Variants in FAAH2 observed in about 807,000 individuals in gnomAD.
FAAH2 encodes the protein fatty-acid amide hydrolase 2.
FAAH2 carries 60 observed loss-of-function variants against 36.9 expected under a neutral mutation model. The ratio of observed to expected loss-of-function variants is 1.63; its 90% confidence interval spans 1.32 to 2.02. The LOEUF (loss-of-function observed/expected upper bound fraction) is 2.02. FAAH2 is among the 30% of genes most tolerant of loss of function. FAAH2 has a pLI of 0.00. For missense variants in FAAH2, 689 were observed against 397.5 expected (o/e 1.73, Z -6.23); for synonymous variants, 214 against 143.8 (o/e 1.49, Z -3.49).
chrX:57,381,484 G>A (rs1262820169), intron 7 of FAAH2: 1 of 603,236 alleles, frequency 1.7e-6, no homozygotes, highest in African/African-American at 2.5e-5. Flanking sequence ...GAATAATAAG[G>A]GGAACAGACC....
At chrX:57,238,334 A>G in the FAAH2 span, among the ~76,000 whole-genome samples, 3 of 111,997 alleles carry the variant, frequency 2.7e-5, no homozygotes, top group Non-Finnish European at 3.8e-5. Flanking sequence ...GAATGAGATC[A>G]TGTCCTTTGT....
intron 7 of FAAH2, among the ~76,000 whole-genome samples, chrX:57,398,795 C>G (rs776592335): frequency 4.5e-5 from 5 of 111,374 alleles, no homozygotes; most frequent in Non-Finnish European, 9.4e-5. Flanking sequence ...AAGTTGCAAG[C>G]CCTGTGTTTA....
intron 7 of FAAH2, among the ~76,000 whole-genome samples, chrX:57,429,362 C>T (rs2056239786): frequency 9.4e-6 from 1 of 106,944 alleles, no homozygotes; most frequent in Admixed American, 1.0e-4. Flanking sequence ...AAAAATTCTG[C>T]TAAAATGTAG....
chrX:57,338,565 C>T (rs2053611030), intron 4 of FAAH2, among the ~76,000 whole-genome samples: 1 of 111,535 alleles, frequency 9.0e-6, no homozygotes, highest in South Asian at 3.7e-4. Context: ...AGGCCTGACA[C>T]TCAGGATACA....
chrX:57,449,493 T>C (rs1381493997), intron 10 of FAAH2, among the ~76,000 whole-genome samples: 1 of 111,998 alleles, frequency 8.9e-6, no homozygotes, highest in Non-Finnish European at 1.9e-5. Context: ...CCTTGCAGTG[T>C]TGCAGTTAAG....
At chrX:57,473,020 T>G (rs2057198274) in intron 10 of FAAH2, among the ~76,000 whole-genome samples, 1 of 111,162 alleles carries the variant, frequency 9.0e-6, no homozygotes. Context: ...CTTTTTGTGG[T>G]CTCAATCCTA....
chrX:57,343,248 C>G (rs1487686725), intron 5 of FAAH2, among the ~76,000 whole-genome samples: 1 of 111,950 alleles, frequency 8.9e-6, no homozygotes, highest in East Asian at 2.8e-4. Flanking sequence ...AGTATATAAG[C>G]ATTCTCTTTT....
chrX:57,439,950 C>A (rs1324046824), intron 8 of FAAH2, among the ~76,000 whole-genome samples: 4 of 111,458 alleles, frequency 3.6e-5, no homozygotes, highest in Non-Finnish European at 7.5e-5. Flanking sequence ...TGTTCTCTTC[C>A]ATTGATCTAT....
chrX:57,160,076 T>C, the FAAH2 span, among the ~76,000 whole-genome samples: 1 of 112,097 alleles, frequency 8.9e-6, no homozygotes, highest in Admixed American at 9.5e-5. Context: ...AAAGGCCTTT[T>C]CTGCATCTAT....
chrX:57,315,741 G>A (rs1013794924), intron 3 of FAAH2, among the ~76,000 whole-genome samples: 1 of 111,175 alleles, frequency 9.0e-6, no homozygotes, highest in African/African-American at 3.3e-5. Context: ...AACAGACTAG[G>A]CATCGAAGGA....
At chrX:57,234,285 A>T in the FAAH2 span, among the ~76,000 whole-genome samples, 1 of 111,503 alleles carries the variant, frequency 9.0e-6, no homozygotes, top group East Asian at 2.8e-4. Context: ...TGATCTCTCC[A>T]TTGCTGTTCC....
chrX:57,203,826 G>A, the FAAH2 span, among the ~76,000 whole-genome samples: 2 of 111,972 alleles, frequency 1.8e-5, no homozygotes, highest in African/African-American at 6.5e-5. Flanking sequence ...AGACAAGTTT[G>A]TAGAGTGTTC....
the FAAH2 span, among the ~76,000 whole-genome samples, chrX:57,195,280 T>A: frequency 2.7e-5 from 3 of 111,649 alleles, no homozygotes; most frequent in Admixed American, 9.5e-5. Context: ...TCTATTTTTT[T>A]TAAATTTTTA....
the FAAH2 span, among the ~76,000 whole-genome samples, chrX:57,233,947 A>G: frequency 2.7e-5 from 3 of 113,082 alleles, no homozygotes; most frequent in Non-Finnish European, 5.6e-5. Context: ...TGCCCAGTGG[A>G]CAGCATCTTT....
At chrX:57,286,651 C>T (rs1335776122), upstream of FAAH2, 3 of 409,096 alleles carry the variant, frequency 7.3e-6, no homozygotes, top group African/African-American at 2.6e-5. Context: ...CCGCCCCCAT[C>T]TCTGGCTAGG....
chrX:57,291,996 ACT>A (rs979012329), intron 1 of FAAH2, among the ~76,000 whole-genome samples: 3 of 110,907 alleles, frequency 2.7e-5, no homozygotes, highest in African/African-American at 9.8e-5. Flanking sequence ...ATTAAAAATT[ACT>A]CTCTATTCAT....
intron 10 of FAAH2, among the ~76,000 whole-genome samples, chrX:57,460,733 A>T (rs1428811748): frequency 8.9e-6 from 1 of 111,958 alleles, no homozygotes; most frequent in Non-Finnish European, 1.9e-5. Flanking sequence ...CTATGAAGAA[A>T]CAGCATCAAC....
intron 5 of FAAH2, among the ~76,000 whole-genome samples, chrX:57,357,570 C>T (rs916717743): frequency 1.8e-5 from 2 of 111,472 alleles, no homozygotes; most frequent in African/African-American, 6.5e-5. Flanking sequence ...ATGCAGACAA[C>T]AAATGTATGA....
chrX:57,411,357 A>C (rs2055695812), intron 7 of FAAH2, among the ~76,000 whole-genome samples: 1 of 111,688 alleles, frequency 9.0e-6, no homozygotes, highest in Non-Finnish European at 1.9e-5. Context: ...TATGAGATCC[A>C]TATGCTATTT....
Sources: gnomAD v4.1 joint callset for allele counts (sites outside exome capture counted in the v4.1 genomes callset) on GRCh38, gnomAD v4.1.1 for gene constraint, MANE v1.5 for transcripts, NCBI Gene and HGNC (gene_info 2026-07-23, HGNC 2026-07-21) for gene names.